The following AKAP10 variants were observed in gnomAD, a reference collection of about 807,000 sequenced individuals.
AKAP10 encodes A-kinase anchor protein 10, mitochondrial.
Under a neutral mutation model 80.8 loss-of-function variants are expected in AKAP10, and 24 were observed. The observed-to-expected ratio is 0.30, with a 90% CI of 0.22 to 0.42. The LOEUF (loss-of-function observed/expected upper bound fraction) is 0.42. Ranked by LOEUF, AKAP10 falls within the 10% of genes least tolerant of loss-of-function variation. AKAP10 has a pLI of 1.00. For synonymous variants in AKAP10, 291 were observed against 277.7 expected (o/e 1.05, Z -0.48); for missense variants, 661 against 794.9 (o/e 0.83, Z 2.03).
At chr17:19,953,590 G>A (rs990344656) in intron 4 of AKAP10, among the ~76,000 whole-genome samples, 5 of 152,098 alleles carry the variant, frequency 3.3e-5, no homozygotes, top group Middle Eastern at 3.4e-3. Flanking sequence ...ATAATTACAC[G>A]CTCATAAATT....
At position 19,948,687 on chromosome 17, in the gene AKAP10, G is replaced by A. The variant is rs147816104; in HGVS notation, c.878-1182C>T. ...GTTCTTAGAAGGCAGAACGTGTCAG[G>A]GACATCACAGAAAAGAAGGAGCCCA... On this transcript the variant is annotated intron_variant, in intron 4 of 14. Transcript: ENST00000225737. 1.5e-3 allele frequency among the ~76,000 whole-genome samples: 231 copies of A among 152,232 alleles called. 2 individuals carry two copies. Among genetic ancestry groups the A allele is most frequent in the African/African-American group, 5.2e-3 (217 of 41,534 alleles).
At chr17:19,975,850 GT>G (rs1171317661) in intron 1 of AKAP10, among the ~76,000 whole-genome samples, 6 of 152,138 alleles carry the variant, frequency 3.9e-5, no homozygotes, top group Non-Finnish European at 4.4e-5. Flanking sequence ...TTCTTAGAAT[GT>G]TTTCCCCCCT....
rs750682110 is a variant in AKAP10, at chr17:19,939,868, CA to C, written c.1186-20del. ...CCATGTACTAGGAAGAAAAAATACACAAGGGAAAATAAGACTATAAACAGAT... is the reference window on the plus strand; with the variant it reads ...CCATGTACTAGGAAGAAAAAATACACAGGGAAAATAAGACTATAAACAGAT... On this transcript the variant is annotated intron_variant, in intron 7 of 14. Coordinates refer to ENST00000225737, the MANE Select transcript of AKAP10 (RefSeq NM_007202.4). The C allele has an allele frequency of 3.7e-6, 6 of 1,606,322 alleles. No individual in the cohort carries two copies. Among genetic ancestry groups the C allele is most frequent in the Admixed American group, 3.4e-5 (2 of 58,648 alleles).
At chr17:19,913,279 G>A (rs560940634) in intron 12 of AKAP10, among the ~76,000 whole-genome samples, 2 of 150,392 alleles carry the variant, frequency 1.3e-5, no homozygotes, top group African/African-American at 2.4e-5. Context: ...TCAGCCTCCC[G>A]ATAGCTGGGA....
At chr17:19,953,783 A>G (rs1382087162) in intron 4 of AKAP10, among the ~76,000 whole-genome samples, 1 of 152,130 alleles carries the variant, frequency 6.6e-6, no homozygotes, top group Non-Finnish European at 1.5e-5. Flanking sequence ...TATAATCCTA[A>G]CACTTTGGGA....
At position 19,931,948 on chromosome 17, in the gene AKAP10, G is replaced by C. The variant is rs1224121071; in HGVS notation, c.1498C>G (p.Leu500Val). Residue 500 changes from leucine to valine, a missense_variant, in exon 10 of 15, where the codon CTT (leucine) becomes GTT (valine). Leu to Val is a conservative substitution (Grantham distance 32). Coordinates refer to ENST00000225737, the MANE Select transcript of AKAP10 (RefSeq NM_007202.4). The part of the protein sequence containing the change: ...VFLPGFLSSN[L>V]YYKYLNDLIH... The stretch of plus-strand genomic sequence containing the variant: ...AGATCATTCAAATATTTATAATAAA[G>C]ATTGCTGGACAAAAAGCCAGGCAAA... 6.2e-7 allele frequency: 1 copy of C among 1,613,448 alleles called. No individual in the cohort carries two copies. The highest frequency in any genetic ancestry group is 8.5e-7 in the Non-Finnish European group (1 of 1,179,846).
chr17:19,933,215 C>T (rs576011483), intron 9 of AKAP10, among the ~76,000 whole-genome samples: 19 of 152,212 alleles, frequency 1.2e-4, no homozygotes, highest in African/African-American at 3.9e-4. Context: ...GACGGGGTTT[C>T]GCCATGTTGG....
intron 2 of AKAP10, among the ~76,000 whole-genome samples, chr17:19,966,633 C>T (rs2043421704): frequency 8.4e-6 from 1 of 119,276 alleles, no homozygotes; most frequent in African/African-American, 3.0e-5. Flanking sequence ...AGATTATGTA[C>T]TTCATAATCA....
At position 19,905,742 on chromosome 17, in the gene AKAP10, G is replaced by A. The variant is rs993551648; in HGVS notation, c.*485C>T. ...CCGCTGAAGCTGCTAGCACCACGCT[G>A]CCACTCAAAGCTGCCTGGCTCTCGG... On this transcript the variant is annotated 3_prime_UTR_variant, in exon 15 of 15. Coordinates refer to ENST00000225737, the MANE Select transcript of AKAP10 (RefSeq NM_007202.4). The A allele has an allele frequency of 6.5e-6, 1 of 153,912 alleles. No individual in the cohort carries two copies. Among genetic ancestry groups the A allele is most frequent in the Non-Finnish European group, 1.5e-5 (1 of 68,956 alleles). 9.5% of individuals were successfully genotyped at this position (153,912 alleles called of 1,614,324 possible).
intron 1 of AKAP10, among the ~76,000 whole-genome samples, chr17:19,973,329 T>C (rs1051476195): frequency 6.6e-6 from 1 of 152,222 alleles, no homozygotes; most frequent in African/African-American, 2.4e-5. Context: ...GTTTACATAT[T>C]GTCTATGGCT....
In AKAP10 at chr17:19,962,964, A is replaced by G; in HGVS notation, c.195T>C (p.Ala65=). The part of the protein sequence containing the change: ...KSTKNHALLE[A]AGPSHVAINA... The stretch of plus-strand genomic sequence containing the variant: ...TGATTGCAACATGACTTGGTCCTGC[A>G]GCCTCCAGCAAGGCATGATTTTTAG... The change falls in exon 3 of 15, where the codon GCT becomes GCC. Residue 65 remains alanine, a synonymous_variant. Transcript: ENST00000225737. 1 of 1,613,842 alleles carries G rather than the reference A, an allele frequency of 6.2e-7. No homozygotes were observed. Among genetic ancestry groups the G allele is most frequent in the Non-Finnish European group, 8.5e-7 (1 of 1,179,782 alleles).
chr17:19,962,148 A>G (rs2043357605), intron 3 of AKAP10, among the ~76,000 whole-genome samples: 2 of 152,148 alleles, frequency 1.3e-5, no homozygotes, highest in South Asian at 4.1e-4. Flanking sequence ...AAATGGCTAT[A>G]TTATACTCCA....
intron 9 of AKAP10, among the ~76,000 whole-genome samples, chr17:19,933,211 G>T (rs1207680393): frequency 2.0e-5 from 3 of 152,086 alleles, no homozygotes; most frequent in Non-Finnish European, 2.9e-5. Flanking sequence ...TAGAGACGGG[G>T]TTTCGCCATG....
chr17:19,957,493 C>T (rs1380059891), intron 4 of AKAP10, among the ~76,000 whole-genome samples: 1 of 151,726 alleles, frequency 6.6e-6, no homozygotes, highest in African/African-American at 2.4e-5. Context: ...CGAGACCGCG[C>T]CATTGCACTC....
chr17:19,954,663 T>TG lies in AKAP10; in HGVS notation c.877+3350_877+3351insC, dbSNP rs1394765643. Among the ~76,000 whole-genome samples, 419 of 151,088 alleles carry TG rather than the reference T, an allele frequency of 2.8e-3. 4 individuals carry two copies. The highest frequency in any genetic ancestry group is 9.6e-3 in the African/African-American group (395 of 41,090). ...CCACGCCCGGCTAATTTTTTTTTTT[T>TG]TTTGTATTTTTAGTAGAGATGGGGT... On this transcript the variant is annotated intron_variant, in intron 4 of 14. Coordinates refer to ENST00000225737, the MANE Select transcript of AKAP10 (RefSeq NM_007202.4).
intron 10 of AKAP10, among the ~76,000 whole-genome samples, chr17:19,926,459 T>C: frequency 6.6e-6 from 1 of 152,104 alleles, no homozygotes; most frequent in East Asian, 1.9e-4. Context: ...CATTGCTCTG[T>C]AAGTTCTAGC....
chr17:19,909,112 A>G, intron 14 of AKAP10, 69 bp downstream of exon 14: 1 of 1,368,718 alleles, frequency 7.3e-7, no homozygotes, highest in Non-Finnish European at 1.0e-6. Context: ...GAAACCCCTT[A>G]TGTTCTTTTT....
chr17:19,951,058 A>G (rs1451122935), intron 4 of AKAP10, among the ~76,000 whole-genome samples: 1 of 150,646 alleles, frequency 6.6e-6, no homozygotes, highest in Non-Finnish European at 1.5e-5. Context: ...AGAAGTGAGG[A>G]GCCCCTCCGC....
At chr17:19,976,429 C>T (rs1345707507) in intron 1 of AKAP10, among the ~76,000 whole-genome samples, 1 of 151,118 alleles carries the variant, frequency 6.6e-6, no homozygotes, top group Non-Finnish European at 1.5e-5. Context: ...TGCAGTGAGC[C>T]GAGACTGAGA....
Sources: allele counts gnomAD v4.1 joint callset (sites outside exome capture counted in the v4.1 genomes callset), GRCh38; gene constraint gnomAD v4.1.1; transcripts MANE v1.5; gene names NCBI Gene and HGNC (gene_info 2026-07-23, HGNC 2026-07-21).